The following TRDN variants were observed in gnomAD, a reference collection of about 807,000 sequenced individuals.
The protein encoded by TRDN is triadin.
A neutral mutation model predicts 149.7 loss-of-function variants in TRDN; 161 were observed. That is an observed-to-expected ratio of 1.08 (90% CI 0.95 to 1.23). The LOEUF (loss-of-function observed/expected upper bound fraction) is 1.23, where lower values mean the gene tolerates loss of function less well. Among genes scored for constraint, TRDN ranks in the 50% most tolerant of loss-of-function variants. The probability of loss-of-function intolerance (pLI) is 0.00; values close to 1 mark genes in which losing one functional copy is unlikely to be tolerated. For synonymous variants in TRDN, 294 were observed against 250.5 expected (o/e 1.17, Z -1.64); for missense variants, 896 against 823.5 (o/e 1.09, Z -1.08).
chr6:123,245,720 C>T (rs879047581), intron 38 of TRDN, among the ~76,000 whole-genome samples: 5 of 152,130 alleles, frequency 3.3e-5, no homozygotes, highest in Non-Finnish European at 7.4e-5. Context: ...AGGACTTGAA[C>T]TCAGCTCTGA....
At chr6:123,296,866 A>G (rs1778220654) in intron 24 of TRDN, among the ~76,000 whole-genome samples, 1 of 152,056 alleles carries the variant, frequency 6.6e-6, no homozygotes, top group African/African-American at 2.4e-5. Flanking sequence ...TAGTCTTTTA[A>G]AGGCCATTTG....
chr6:123,330,576 T>C (rs966267884), intron 23 of TRDN, among the ~76,000 whole-genome samples: 27 of 152,080 alleles, frequency 1.8e-4, no homozygotes, highest in African/African-American at 6.5e-4. Flanking sequence ...GTTTTAGTTA[T>C]AATAACACAT....
chr6:123,285,753 C>A (rs1582822476), intron 24 of TRDN, among the ~76,000 whole-genome samples: 1 of 152,062 alleles, frequency 6.6e-6, no homozygotes, highest in Admixed American at 6.6e-5. Flanking sequence ...AACAGACAAC[C>A]TACAGAGTGG....
intron 37 of TRDN, among the ~76,000 whole-genome samples, chr6:123,252,678 A>G (rs2114571299): frequency 6.6e-6 from 1 of 152,162 alleles, no homozygotes; most frequent in South Asian, 2.1e-4. Flanking sequence ...GAAGTGGTAC[A>G]ATCACAGCCA....
At chr6:123,272,610 C>G (rs1466910634) in intron 29 of TRDN, among the ~76,000 whole-genome samples, 3 of 151,862 alleles carry the variant, frequency 2.0e-5, no homozygotes, top group Non-Finnish European at 4.4e-5. Flanking sequence ...CTAAAATGAT[C>G]ATATTTTAAT....
rs1431598111 is a variant in TRDN, at chr6:123,284,000, ATATG to A, written c.1511-4922_1511-4919del. 8.4e-5 allele frequency among the ~76,000 whole-genome samples: 10 copies of A among 119,486 alleles called. 3 individuals are homozygous for A. The highest frequency in any genetic ancestry group is 1.7e-4 in the Admixed American group (2 of 11,670). The allele number at this position is 119,486 out of a possible 152,430, so 78.4% of individuals were successfully genotyped here. A position where few individuals can be genotyped will look rare whatever the true frequency, so the allele number is the denominator to read the frequency against. ...CAACATGGCACATATATATATATAT[ATATG>A]TAACAAACCTGCACATTGTGCACAT... On this transcript the variant is annotated intron_variant, in intron 24 of 40. Coordinates refer to ENST00000334268, the MANE Select transcript of TRDN (RefSeq NM_006073.4).
At chr6:123,578,592 G>T (rs967085122) in intron 1 of TRDN, among the ~76,000 whole-genome samples, 3 of 152,066 alleles carry the variant, frequency 2.0e-5, no homozygotes, top group African/African-American at 7.2e-5. Context: ...GTAATGTAAT[G>T]CCTCCATCTT....
intron 21 of TRDN, among the ~76,000 whole-genome samples, chr6:123,348,662 T>C (rs552021784): frequency 2.0e-5 from 3 of 152,082 alleles, no homozygotes; most frequent in Admixed American, 6.6e-5. Context: ...ATACTTTCTA[T>C]TAAAGATTCT....
intron 24 of TRDN, among the ~76,000 whole-genome samples, chr6:123,307,919 G>C (rs528788047): frequency 2.6e-5 from 4 of 152,016 alleles, no homozygotes; most frequent in Non-Finnish European, 5.9e-5. Flanking sequence ...TGGGTATATC[G>C]TGTGATACTG....
chr6:123,254,594 G>T (rs1184701703), intron 37 of TRDN, among the ~76,000 whole-genome samples: 1 of 151,882 alleles, frequency 6.6e-6, no homozygotes, highest in Admixed American at 6.6e-5. Flanking sequence ...CAGCAAAATA[G>T]ATCATTCTCT....
At chr6:123,511,570 C>G (rs1779184238) in intron 7 of TRDN, among the ~76,000 whole-genome samples, 1 of 151,950 alleles carries the variant, frequency 6.6e-6, no homozygotes. Context: ...AATTGTGAAC[C>G]AAATATGTTA....
At chr6:123,581,953 A>T (rs1562403626) in intron 1 of TRDN, among the ~76,000 whole-genome samples, 1 of 152,216 alleles carries the variant, frequency 6.6e-6, no homozygotes, top group Non-Finnish European at 1.5e-5. Flanking sequence ...AATCAAAAAG[A>T]ATCAAACTCT....
rs111623490 is a variant in TRDN at position 123,561,884 on chromosome 6, G to A, written c.232+9039C>T. Among the ~76,000 whole-genome samples, 337 of 151,508 alleles carry A rather than the reference G, an allele frequency of 2.2e-3. 2 individuals carry two copies. Among genetic ancestry groups the A allele is most frequent in the African/African-American group, 7.4e-3 (304 of 41,242 alleles). ...TACCACCCCCCAAAAAATTTTCGTCGCCCCAACACTTTACCACTATGTTAT... is the reference window on the plus strand; with the variant it reads ...TACCACCCCCCAAAAAATTTTCGTCACCCCAACACTTTACCACTATGTTAT... On this transcript the variant is annotated intron_variant, in intron 2 of 40. Coordinates refer to ENST00000334268, the MANE Select transcript of TRDN (RefSeq NM_006073.4).
chr6:123,290,433 T>C (rs1277585740), intron 24 of TRDN, among the ~76,000 whole-genome samples: 1 of 152,196 alleles, frequency 6.6e-6, no homozygotes, highest in East Asian at 1.9e-4. Flanking sequence ...CTTACTAGTT[T>C]GAAGAGAATA....
chr6:123,300,287 CA>C (rs1778355465), intron 24 of TRDN, among the ~76,000 whole-genome samples: 1 of 151,894 alleles, frequency 6.6e-6, no homozygotes, highest in East Asian at 1.9e-4. Context: ...GCAAGAAAAT[CA>C]GTCTGAAGAA....
intron 4 of TRDN, among the ~76,000 whole-genome samples, chr6:123,534,674 A>G (rs998471896): frequency 6.6e-6 from 1 of 152,200 alleles, no homozygotes; most frequent in Non-Finnish European, 1.5e-5. Context: ...TCGAGTCATT[A>G]AAGGTAGAAA....
intron 14 of TRDN, among the ~76,000 whole-genome samples, chr6:123,383,780 T>C (rs948232220): frequency 2.0e-5 from 3 of 152,136 alleles, no homozygotes; most frequent in African/African-American, 7.2e-5. Context: ...GTGGACAGAT[T>C]AAATAATTAG....
intron 9 of TRDN, chr6:123,470,619 T>A (rs965764120): frequency 1.6e-4 from 25 of 152,214 alleles, no homozygotes; most frequent in African/African-American, 6.0e-4. Flanking sequence ...CTAAACTATA[T>A]GGAGTTTTGT....
At chr6:123,352,784 T>C (rs1237200437) in intron 20 of TRDN, among the ~76,000 whole-genome samples, 198 bp from the exon 21 acceptor site, 1 of 151,960 alleles carries the variant, frequency 6.6e-6, no homozygotes, top group Non-Finnish European at 1.5e-5. Context: ...AAAAAAGTGA[T>C]AATCTTCTGC....
Sources: gnomAD v4.1 joint callset for allele counts (sites outside exome capture counted in the v4.1 genomes callset) on GRCh38, gnomAD v4.1.1 for gene constraint, MANE v1.5 for transcripts, NCBI Gene and HGNC (gene_info 2026-07-23, HGNC 2026-07-21) for gene names.